Variants in CHODL observed in about 807,000 individuals in gnomAD.
The protein encoded by CHODL is chondrolectin.
CHODL carries 29 observed loss-of-function variants against 34.5 expected under a neutral mutation model. That is an observed-to-expected ratio of 0.84 (90% CI 0.63 to 1.15). The LOEUF (loss-of-function observed/expected upper bound fraction) is 1.15. Among genes scored for constraint, CHODL ranks in the 50% most tolerant of loss-of-function variants. The probability of loss-of-function intolerance (pLI) is 0.00; values close to 1 mark genes in which losing one functional copy is unlikely to be tolerated. For synonymous variants in CHODL, 125 were observed against 116.1 expected (o/e 1.08, Z -0.49); for missense variants, 332 against 332.5 (o/e 1.00, Z 0.01).
chr21:17,976,861 G>T (rs1262646389), intron 1 of CHODL, among the ~76,000 whole-genome samples: 1 of 152,162 alleles, frequency 6.6e-6, no homozygotes, highest in Non-Finnish European at 1.5e-5. Context: ...TCATTGGTAA[G>T]CACAGTGGTG....
At chr21:18,220,269 A>T (rs991175921) in intron 2 of CHODL, among the ~76,000 whole-genome samples, 1 of 152,128 alleles carries the variant, frequency 6.6e-6, no homozygotes, top group South Asian at 2.1e-4. Flanking sequence ...AGTCACTTTT[A>T]AGTCCATTCA....
In CHODL at chr21:18,206,927, G is replaced by A. The variant is rs553772248; in HGVS notation, c.-44-49582G>A. Among the ~76,000 whole-genome samples, 29 of 151,388 alleles carry A rather than the reference G, an allele frequency of 1.9e-4. No individual in the cohort carries two copies. The South Asian group carries it at 5.9e-3, about 31-fold the overall frequency. ...ATACTTTGAGTTCTAGGGTACATGT[G>A]CACAAGGTGCAGGTTTGTTACATAG... On this transcript the variant is annotated intron_variant, in intron 2 of 6. Transcript: ENST00000400127.
chr21:18,111,129 A>G (rs73894753), intron 2 of CHODL, among the ~76,000 whole-genome samples: 7,619 of 152,262 alleles, frequency 0.05, 360 homozygotes, highest in African/African-American at 0.12. Context: ...GAGAGATACC[A>G]GAAAGTGAAT....
At chr21:17,953,454 G>A (rs2063474298) in intron 1 of CHODL, among the ~76,000 whole-genome samples, 1 of 152,032 alleles carries the variant, frequency 6.6e-6, no homozygotes, top group Admixed American at 6.6e-5. Flanking sequence ...GTGACAGAAT[G>A]AGATTCTGTC....
At chr21:17,959,120 C>T (rs182433788) in intron 1 of CHODL, among the ~76,000 whole-genome samples, 1 of 152,176 alleles carries the variant, frequency 6.6e-6, no homozygotes, top group East Asian at 1.9e-4. Context: ...GTACATAGTT[C>T]ACAAAAAGTG....
intron 2 of CHODL, among the ~76,000 whole-genome samples, chr21:18,225,202 G>A (rs2073920175): frequency 6.6e-6 from 1 of 152,116 alleles, no homozygotes; most frequent in Non-Finnish European, 1.5e-5. Context: ...TATCATGAAT[G>A]TAGTAACCAT....
chr21:18,013,047 C>G (rs979570642), intron 1 of CHODL, among the ~76,000 whole-genome samples: 2 of 152,112 alleles, frequency 1.3e-5, no homozygotes, highest in African/African-American at 4.8e-5. Flanking sequence ...ATAAACATAC[C>G]AGTAACTACG....
intron 1 of CHODL, among the ~76,000 whole-genome samples, chr21:17,968,785 A>G (rs915203517): frequency 6.6e-5 from 10 of 152,170 alleles, no homozygotes; most frequent in African/African-American, 2.4e-4. Context: ...GTTGGATGGA[A>G]GAATCTTTAT....
At chr21:18,222,135 G>A (rs1003208312) in intron 2 of CHODL, among the ~76,000 whole-genome samples, 3 of 152,154 alleles carry the variant, frequency 2.0e-5, no homozygotes, top group Non-Finnish European at 4.4e-5. Context: ...TGGTGGTAGT[G>A]GCCTCAGGTT....
At chr21:18,085,544 T>A (rs1052935689) in intron 2 of CHODL, among the ~76,000 whole-genome samples, 25 of 152,182 alleles carry the variant, frequency 1.6e-4, no homozygotes, top group African/African-American at 5.5e-4. Context: ...TTCTTCTAGG[T>A]CTGGTCTAGT....
At chr21:17,988,731 A>G (rs1281469191) in intron 1 of CHODL, among the ~76,000 whole-genome samples, 2 of 151,184 alleles carry the variant, frequency 1.3e-5, no homozygotes, top group African/African-American at 2.4e-5. Flanking sequence ...CATGAACTCA[A>G]CATTTTTTGT....
chr21:18,230,380 C>A (rs947935323), intron 2 of CHODL, among the ~76,000 whole-genome samples: 1 of 152,076 alleles, frequency 6.6e-6, no homozygotes, highest in African/African-American at 2.4e-5. Flanking sequence ...GGATTACATT[C>A]AGAATCACAA....
In CHODL at chr21:18,226,977, T is replaced by G. The variant is rs189424091; in HGVS notation, c.-44-29532T>G. ...GCTGCGATAACAAAATATCATAAAC[T>G]GAGTAGAAATAGACATTTCTCACAG... On this transcript the variant is annotated intron_variant, in intron 2 of 6. Coordinates refer to the CHODL transcript ENST00000400127. Among the ~76,000 whole-genome samples the G allele has an allele frequency of 3.3e-5, 5 of 152,280 alleles. No individual in the cohort carries two copies. The East Asian group carries it at 9.7e-4, about 29-fold the overall frequency.
chr21:18,250,243 C>T (rs1386528446), intron 1 of CHODL, among the ~76,000 whole-genome samples: 1 of 152,152 alleles, frequency 6.6e-6, no homozygotes, highest in East Asian at 1.9e-4. Context: ...TTTTGATTGG[C>T]TACATGAACT....
chr21:18,045,393 T>C (rs894017007), intron 2 of CHODL, among the ~76,000 whole-genome samples: 3 of 151,998 alleles, frequency 2.0e-5, no homozygotes, highest in Non-Finnish European at 4.4e-5. Context: ...CGGTGAAAAC[T>C]GTCTTTACAA....
chr21:18,163,164 T>C (rs1309809700), intron 2 of CHODL, among the ~76,000 whole-genome samples: 1 of 152,238 alleles, frequency 6.6e-6, no homozygotes. Flanking sequence ...TACATATATG[T>C]AAGTGAATAT....
chr21:17,932,247 A>G (rs1387604254), intron 1 of CHODL, among the ~76,000 whole-genome samples: 1 of 152,230 alleles, frequency 6.6e-6, no homozygotes, highest in African/African-American at 2.4e-5. Context: ...AACTAAAACC[A>G]TAGTGAGATA....
chr21:17,923,275 CT>C (rs111658435), intron 1 of CHODL, among the ~76,000 whole-genome samples: 12,964 of 146,372 alleles, frequency 0.089, 1,496 homozygotes, highest in African/African-American at 0.27. Flanking sequence ...TTTTCTGCCT[CT>C]TTTTTTTTTT....
chr21:18,106,535 G>A (rs541738936), intron 2 of CHODL, among the ~76,000 whole-genome samples: 30 of 136,404 alleles, frequency 2.2e-4, no homozygotes, highest in South Asian at 1.3e-3. Context: ...TTGCTCTGTC[G>A]CCCAGGCTGG....
Sources: allele counts gnomAD v4.1 joint callset (sites outside exome capture counted in the v4.1 genomes callset), GRCh38; gene constraint gnomAD v4.1.1; transcripts MANE v1.5; gene names NCBI Gene and HGNC (gene_info 2026-07-23, HGNC 2026-07-21).